MYH11: variants seen among roughly 807,000 people sequenced by gnomAD.
The protein encoded by MYH11 is myosin heavy chain 11, also known as myosin-11.
A neutral mutation model predicts 246.6 loss-of-function variants in MYH11; 80 were observed. The ratio of observed to expected loss-of-function variants is 0.32; its 90% confidence interval spans 0.27 to 0.39. MYH11 has a LOEUF of 0.39. Ranked by LOEUF, MYH11 falls within the 10% of genes least tolerant of loss-of-function variation. MYH11 has a pLI of 1.00. For missense variants in MYH11, 2,158 were observed against 2,546.8 expected (o/e 0.85, Z 3.29); for synonymous variants, 1,071 against 1,015.5 (o/e 1.05, Z -1.04).
chr16:15,847,121 C>T (rs1254784484), intron 1 of MYH11, among the ~76,000 whole-genome samples: 1 of 151,934 alleles, frequency 6.6e-6, no homozygotes, highest in African/African-American at 2.4e-5. Context: ...AGTTCAGTAG[C>T]ATTAAGTATA....
intron 40 of MYH11, among the ~76,000 whole-genome samples, chr16:15,704,364 TGGA>T (rs1466241519): frequency 6.6e-6 from 1 of 151,806 alleles, no homozygotes; most frequent in Non-Finnish European, 1.5e-5. Context: ...CGGGGGTGGG[TGGA>T]GAAGGTTTTT....
chr16:15,845,298 ATTT>A (rs11436822), intron 1 of MYH11, among the ~76,000 whole-genome samples: 1 of 139,966 alleles, frequency 7.1e-6, no homozygotes, highest in Non-Finnish European at 1.5e-5. Flanking sequence ...TTTTTTCGCG[ATTT>A]TTTTTTTTTT....
intron 3 of MYH11, among the ~76,000 whole-genome samples, chr16:15,805,228 T>C (rs542657016): frequency 6.6e-6 from 1 of 152,298 alleles, no homozygotes; most frequent in African/African-American, 2.4e-5. Flanking sequence ...TGTGTATTTA[T>C]TGTAATAATC....
chr16:15,851,731 A>G (rs1353368771), intron 1 of MYH11, among the ~76,000 whole-genome samples: 1 of 152,066 alleles, frequency 6.6e-6, no homozygotes, highest in Admixed American at 6.6e-5. Flanking sequence ...ACATCTGCCT[A>G]ATCATCTGAA....
chr16:15,768,782 G>A (rs1361636678), intron 9 of MYH11, among the ~76,000 whole-genome samples: 1 of 151,936 alleles, frequency 6.6e-6, no homozygotes, highest in African/African-American at 2.4e-5. Context: ...AGATGCTTGG[G>A]GCTGCCGAAG....
intron 40 of MYH11, among the ~76,000 whole-genome samples, chr16:15,706,471 C>T (rs1279665450): frequency 6.6e-6 from 1 of 152,050 alleles, no homozygotes; most frequent in Non-Finnish European, 1.5e-5. Flanking sequence ...TTGGGGAGGC[C>T]GAGGTGGGCA....
At chr16:15,845,627 G>C (rs912473016) in intron 1 of MYH11, among the ~76,000 whole-genome samples, 6 of 152,090 alleles carry the variant, frequency 3.9e-5, no homozygotes, top group Non-Finnish European at 8.8e-5. Flanking sequence ...CAGCAAAATA[G>C]GAAATGCGGC....
intron 22 of MYH11, chr16:15,741,030 A>T: frequency 3.1e-6 from 1 of 317,552 alleles, no homozygotes; most frequent in East Asian, 8.1e-5. Context: ...CTCCAGCCCC[A>T]GATGAGCCTT....
At chr16:15,737,690 C>T in intron 24 of MYH11, 70 bp from the exon 25 acceptor site, 1 of 1,570,366 alleles carries the variant, frequency 6.4e-7, no homozygotes. Context: ...GCCTTCCTGC[C>T]CAGGCATTTT....
intron 3 of MYH11, among the ~76,000 whole-genome samples, chr16:15,808,912 A>G (rs1216936392): frequency 1.3e-5 from 2 of 152,042 alleles, no homozygotes; most frequent in Non-Finnish European, 2.9e-5. Context: ...ATAATAAATA[A>G]AAACATGAAA....
chr16:15,729,932 T>C (rs1294341899), intron 27 of MYH11, among the ~76,000 whole-genome samples: 7 of 152,088 alleles, frequency 4.6e-5, no homozygotes, highest in Non-Finnish European at 1.0e-4. Flanking sequence ...GTGATCCGCC[T>C]ATCTCAGCCT....
intron 2 of MYH11, among the ~76,000 whole-genome samples, chr16:15,831,422 A>G (rs895730347): frequency 3.3e-5 from 5 of 151,934 alleles, no homozygotes; most frequent in African/African-American, 4.8e-5. Context: ...AAAAAAAATC[A>G]TACTGCAAAA....
At chr16:15,798,784 C>T in intron 3 of MYH11, 97 bp from the exon 4 acceptor site, 2 of 1,261,828 alleles carry the variant, frequency 1.6e-6, no homozygotes, top group Non-Finnish European at 2.3e-6. Flanking sequence ...CATTCTAAAG[C>T]TTCTCCATGC....
At chr16:15,839,625 C>T (rs1052125355) in intron 1 of MYH11, among the ~76,000 whole-genome samples, 4 of 151,348 alleles carry the variant, frequency 2.6e-5, no homozygotes, top group Non-Finnish European at 4.4e-5. Flanking sequence ...ACCCAGGAGG[C>T]GGAGGTTGCA....
rs375148396 is a variant in MYH11 at position 15,715,011 on chromosome 16, C to T, written c.5684G>A (p.Arg1895His). ...QLEEAEEESQRINANRRKLQR... is the reference protein window; with the variant it reads ...QLEEAEEESQHINANRRKLQR... ...CAGCTTCCTGCGGTTGGCGTTGATG[C>T]GCTGGGACTCCTCCTCTGCCTCCTC... Residue 1895 changes from arginine to histidine, a missense_variant, in exon 40 of 41, where the codon CGC becomes CAC. By Grantham distance (29) the Arg-to-His change is conservative. Around this residue, in one of 11 missense-constraint regions of MYH11, gnomAD observed 1,013 missense variants for 993.5 expected, o/e 1.02. Coordinates refer to ENST00000300036, the MANE Select transcript of MYH11 (RefSeq NM_002474.3). The T allele has an allele frequency of 8.1e-6, 13 of 1,613,918 alleles. No individual in the cohort carries two copies. The highest frequency in any genetic ancestry group is 1.7e-5 in the Admixed American group (1 of 60,020).
intron 9 of MYH11, among the ~76,000 whole-genome samples, chr16:15,771,190 G>A (rs773212424): frequency 6.6e-6 from 1 of 151,826 alleles, no homozygotes; most frequent in Non-Finnish European, 1.5e-5. Context: ...AGTAGAGACA[G>A]GGTTTCACCA....
At chr16:15,721,741 A>T (rs1315767715) in intron 31 of MYH11, 107 bp from the exon 32 acceptor site, 7 of 1,156,028 alleles carry the variant, frequency 6.1e-6, no homozygotes, top group Non-Finnish European at 9.0e-6. Flanking sequence ...ATTGAGGTGC[A>T]GGTGTAAGCA....
intron 3 of MYH11, among the ~76,000 whole-genome samples, chr16:15,805,972 T>G (rs1476881126): frequency 6.6e-6 from 1 of 151,670 alleles, no homozygotes; most frequent in East Asian, 1.9e-4. Context: ...CTTGACAACA[T>G]TATACTAAGT....
intron 2 of MYH11, among the ~76,000 whole-genome samples, chr16:15,827,966 C>G (rs1218971888): frequency 1.3e-5 from 2 of 152,214 alleles, no homozygotes; most frequent in Non-Finnish European, 2.9e-5. Flanking sequence ...ATCTCCAGCT[C>G]CTCTGGGGCC....
Sources: allele counts gnomAD v4.1 joint callset (sites outside exome capture counted in the v4.1 genomes callset), GRCh38; gene constraint gnomAD v4.1.1; regional missense constraint gnomAD v4.1.1; transcripts MANE v1.5; gene names NCBI Gene and HGNC (gene_info 2026-07-23, HGNC 2026-07-21).